The following RPS6KA2 variants were observed in gnomAD, a reference collection of about 807,000 sequenced individuals.
The protein encoded by RPS6KA2 is ribosomal protein S6 kinase alpha-2.
RPS6KA2 carries 42 observed loss-of-function variants against 91.8 expected under a neutral mutation model. The ratio of observed to expected loss-of-function variants is 0.46; its 90% CI spans 0.36 to 0.59. The LOEUF is 0.59. Among genes scored for constraint, RPS6KA2 ranks in the 20% least tolerant of loss-of-function variants. The pLI is 0.00. For synonymous variants in RPS6KA2, 414 were observed against 393.6 expected (o/e 1.05, Z -0.61); for missense variants, 798 against 978.5 (o/e 0.82, Z 2.46).
intron 2 of RPS6KA2, among the ~76,000 whole-genome samples, chr6:166,779,970 C>G (rs1778724825): frequency 6.6e-6 from 1 of 152,142 alleles, no homozygotes; most frequent in African/African-American, 2.4e-5. Context: ...AAGGATACCA[C>G]CATATTTTAA....
Position 166,733,327 on chromosome 6 carries a change from T to C in RPS6KA2, c.123+124873A>G, listed in dbSNP as rs550148325. Among the ~76,000 whole-genome samples the C allele has an allele frequency of 5.5e-4, 83 of 152,262 alleles. No individual in the cohort carries two copies. The highest frequency in any genetic ancestry group is 1.1e-3 in the Non-Finnish European group (72 of 68,012). On this transcript the variant is annotated intron_variant, in intron 2 of 21. Transcript: ENST00000503859. The surrounding 1 kb of genome is among the most constrained non-coding windows in gnomAD (Gnocchi z 4.1). ...ATGCCGCCACTGTCAGTAACAGCAG[T>C]GGTGTTGGCCGTCTTGATCAGTTTA...
intron 2 of RPS6KA2, among the ~76,000 whole-genome samples, chr6:166,760,144 G>T (rs1014566920): frequency 6.6e-6 from 1 of 152,162 alleles, no homozygotes; most frequent in African/African-American, 2.4e-5. Context: ...CTATTCATTC[G>T]GTTGGCAAAG....
rs767013485 is a variant in RPS6KA2, at chr6:166,792,910, CA to C, written c.123+65289del. On this transcript the variant is annotated intron_variant, in intron 2 of 21. Coordinates refer to the RPS6KA2 transcript ENST00000503859. The stretch of plus-strand genomic sequence containing the variant: ...CACAGCCAATATCATACTGAATGGG[CA>C]AAAACTGGAAGCATTCCCTTTGAAA... Among the ~76,000 whole-genome samples the C allele has an allele frequency of 2.6e-5, 4 of 151,996 alleles. No individual in the cohort carries two copies. The South Asian group carries it at 6.2e-4, about 24-fold the overall frequency.
intron 2 of RPS6KA2, among the ~76,000 whole-genome samples, chr6:166,716,664 G>A (rs7768943): frequency 0.69 from 104,395 of 152,096 alleles, 36,273 homozygotes; most frequent in South Asian, 0.85. Flanking sequence ...AAGGGGGGTT[G>A]TAATAACAAA....
intron 1 of RPS6KA2, among the ~76,000 whole-genome samples, chr6:166,555,886 G>A (rs1784163436): frequency 6.6e-6 from 1 of 152,238 alleles, no homozygotes; most frequent in South Asian, 2.1e-4. Flanking sequence ...AAAGGAAGGA[G>A]ACTAGAGGAT....
chr6:166,534,023 C>T (rs1241444517), intron 2 of RPS6KA2, among the ~76,000 whole-genome samples: 2 of 151,938 alleles, frequency 1.3e-5, no homozygotes, highest in African/African-American at 2.4e-5. Flanking sequence ...GAGATTGAGA[C>T]CATTCTGGTT....
chr6:166,581,855 G>T (rs1436271026), intron 1 of RPS6KA2, among the ~76,000 whole-genome samples: 1 of 146,270 alleles, frequency 6.8e-6, no homozygotes, highest in Non-Finnish European at 1.5e-5. Context: ...ACGCCCACTC[G>T]GCAGGTGGGC....
intron 4 of RPS6KA2, among the ~76,000 whole-genome samples, chr6:166,509,782 C>T (rs983585413): frequency 3.3e-5 from 5 of 152,156 alleles, no homozygotes; most frequent in African/African-American, 9.7e-5. Context: ...GCTATGTGGC[C>T]TTTGGTTAAT....
At chr6:166,780,284 G>A (rs1317448298) in intron 2 of RPS6KA2, among the ~76,000 whole-genome samples, 1 of 152,240 alleles carries the variant, frequency 6.6e-6, no homozygotes, top group African/African-American at 2.4e-5. Context: ...CTCGGAGTAT[G>A]TGGGCCTAGT....
chr6:166,626,500 G>A lies in RPS6KA2; in HGVS notation c.99+421C>T, dbSNP rs751612335. Among the ~76,000 whole-genome samples the A allele has an allele frequency of 2.6e-5, 4 of 152,220 alleles. No homozygotes were observed. Among genetic ancestry groups the A allele is most frequent in the Non-Finnish European group, 5.9e-5 (4 of 68,042 alleles). ...CGGCCGGGCACGGCAGACAGCACCTGATCAGCGCCTCGGAGGGCGGAGCTG... is the reference window on the plus strand; with the variant it reads ...CGGCCGGGCACGGCAGACAGCACCTAATCAGCGCCTCGGAGGGCGGAGCTG... On this transcript the variant is annotated intron_variant, in intron 1 of 20. Coordinates refer to ENST00000265678, the MANE Select transcript of RPS6KA2 (RefSeq NM_021135.6). The surrounding 1 kb of genome is among the most constrained non-coding windows in gnomAD (Gnocchi z 4.1).
At chr6:166,498,294 G>A (rs967715508) in intron 8 of RPS6KA2, among the ~76,000 whole-genome samples, 8 of 152,244 alleles carry the variant, frequency 5.3e-5, no homozygotes, top group Non-Finnish European at 7.3e-5. Flanking sequence ...GCGTTTCTGC[G>A]TTCTCGTTTG....
At chr6:166,670,063 T>G (rs939969648) in intron 2 of RPS6KA2, among the ~76,000 whole-genome samples, 1 of 152,238 alleles carries the variant, frequency 6.6e-6, no homozygotes, top group Non-Finnish European at 1.5e-5. Flanking sequence ...CTTGCAGGCA[T>G]GAGCCTCACA....
chr6:166,520,257 G>A (rs1782807460), intron 3 of RPS6KA2, among the ~76,000 whole-genome samples: 1 of 151,760 alleles, frequency 6.6e-6, no homozygotes, highest in Admixed American at 6.6e-5. Context: ...ATTTGGACTG[G>A]AACTTATACC....
At chr6:166,628,792 G>C (rs1199220745), upstream of RPS6KA2, among the ~76,000 whole-genome samples, 1 of 152,222 alleles carries the variant, frequency 6.6e-6, no homozygotes, top group African/African-American at 2.4e-5. Flanking sequence ...ATACCAAGAG[G>C]CTTATGCAAG....
At chr6:166,812,621 C>T (rs1052846314) in intron 2 of RPS6KA2, among the ~76,000 whole-genome samples, 5 of 152,148 alleles carry the variant, frequency 3.3e-5, no homozygotes, top group African/African-American at 9.7e-5. Context: ...CCCGTGGCCA[C>T]GTGGCCTCAA....
At chr6:166,436,099 G>A (rs1779291793) in intron 14 of RPS6KA2, among the ~76,000 whole-genome samples, 1 of 152,132 alleles carries the variant, frequency 6.6e-6, no homozygotes, top group Non-Finnish European at 1.5e-5. Context: ...TACACAGAAA[G>A]CACTTGGTAC....
At chr6:166,735,404 T>C (rs958329506) in intron 2 of RPS6KA2, among the ~76,000 whole-genome samples, 5 of 152,240 alleles carry the variant, frequency 3.3e-5, no homozygotes, top group African/African-American at 1.2e-4. Context: ...TTGTGGCAGA[T>C]AATTTTCCAT....
chr6:166,583,207 A>C (rs574521845), intron 1 of RPS6KA2, among the ~76,000 whole-genome samples: 18 of 152,246 alleles, frequency 1.2e-4, no homozygotes, highest in Non-Finnish European at 2.6e-4. Flanking sequence ...GTGAGCTAAA[A>C]GTGCTGAATT....
intron 13 of RPS6KA2, among the ~76,000 whole-genome samples, chr6:166,450,244 A>T (rs1779843298): frequency 6.7e-6 from 1 of 149,184 alleles, no homozygotes; most frequent in Non-Finnish European, 1.5e-5. Context: ...CACGGGAACC[A>T]CCACAGGGAC....
Sources: allele counts gnomAD v4.1 joint callset (sites outside exome capture counted in the v4.1 genomes callset), GRCh38; gene constraint gnomAD v4.1.1; non-coding constraint Gnocchi (gnomAD v3.1); transcripts MANE v1.5; gene names NCBI Gene and HGNC (gene_info 2026-07-23, HGNC 2026-07-21).